Variants in NRXN3 observed in about 807,000 individuals in gnomAD.
NRXN3 encodes neurexin 3.
In NRXN3, 32 loss-of-function variants were observed where a neutral mutation model predicts 137.6. The ratio of observed to expected loss-of-function variants is 0.23; its 90% CI spans 0.18 to 0.31. The LOEUF is 0.31. NRXN3 is among the 10% of genes least tolerant of loss of function. The pLI, the probability that NRXN3 is intolerant of heterozygous loss-of-function variation, is 1.00. For missense variants in NRXN3, 1,574 were observed against 2,062.5 expected (o/e 0.76, Z 4.59); for synonymous variants, 798 against 784.5 (o/e 1.02, Z -0.29).
intron 15 of NRXN3, among the ~76,000 whole-genome samples, chr14:79,222,642 A>T (rs181610575): frequency 6.6e-6 from 1 of 152,266 alleles, no homozygotes; most frequent in Non-Finnish European, 1.5e-5. Flanking sequence ...CATTCCCACA[A>T]TCTATAGATG....
chr14:79,486,856 G>A (rs2096659835), intron 16 of NRXN3, among the ~76,000 whole-genome samples: 1 of 150,806 alleles, frequency 6.6e-6, no homozygotes, highest in Non-Finnish European at 1.5e-5. Flanking sequence ...GTGAAATATT[G>A]TTAGCCTAAG....
chr14:78,359,316 G>T (rs1414245959), intron 4 of NRXN3, among the ~76,000 whole-genome samples: 1 of 152,136 alleles, frequency 6.6e-6, no homozygotes, highest in Non-Finnish European at 1.5e-5. Context: ...CTGGGCAGTG[G>T]ACGTCTTAAA....
intron 15 of NRXN3, among the ~76,000 whole-genome samples, chr14:79,221,545 G>A (rs1236298330): frequency 1.3e-5 from 2 of 152,158 alleles, no homozygotes; most frequent in African/African-American, 4.8e-5. Flanking sequence ...CCACATAAAT[G>A]TCTTCTTTTG....
intron 1 of NRXN3, among the ~76,000 whole-genome samples, chr14:78,235,308 C>G (rs2066129960): frequency 6.6e-6 from 1 of 152,032 alleles, no homozygotes; most frequent in African/African-American, 2.4e-5. Flanking sequence ...TTGGCTCTCT[C>G]CATCTTCACT....
rs1382979147 is a variant in NRXN3 at position 79,845,616 on chromosome 14, C to T, written c.4094-15726C>T. Among the ~76,000 whole-genome samples, 5 of 113,960 alleles carry T rather than the reference C, an allele frequency of 4.4e-5. 1 individual carries two copies. Among genetic ancestry groups the T allele is most frequent in the African/African-American group, 1.4e-4 (4 of 27,766 alleles). 74.8% of individuals were successfully genotyped at this position (113,960 alleles called of 152,430 possible). On this transcript the variant is annotated intron_variant, in intron 20 of 20. Transcript: ENST00000335750. ...AGAGAGAGAGAGACAGAGAGAGAGA[C>T]GGAGACGGGGAGAGAGACGGAGACG...
intron 19 of NRXN3, among the ~76,000 whole-genome samples, chr14:79,743,962 T>G (rs1239788420): frequency 6.6e-6 from 1 of 152,216 alleles, no homozygotes; most frequent in Non-Finnish European, 1.5e-5. Context: ...CCAAATTAAA[T>G]TTAACCTATC....
intron 6 of NRXN3, among the ~76,000 whole-genome samples, chr14:78,686,191 T>C (rs1415768878): frequency 1.3e-5 from 2 of 152,228 alleles, no homozygotes; most frequent in East Asian, 3.8e-4. Context: ...AATACATGTT[T>C]GTTGAATGAA....
At chr14:78,416,260 C>A (rs2093131399) in intron 4 of NRXN3, among the ~76,000 whole-genome samples, 1 of 152,252 alleles carries the variant, frequency 6.6e-6, no homozygotes, top group Admixed American at 6.5e-5. Context: ...GCAGTGCAGA[C>A]ATTTACCATG....
intron 15 of NRXN3, among the ~76,000 whole-genome samples, chr14:79,039,762 C>G (rs1235343740): frequency 6.6e-6 from 1 of 152,092 alleles, no homozygotes; most frequent in Admixed American, 6.6e-5. Flanking sequence ...TCATACTTCA[C>G]TTTAATCTCA....
intron 10 of NRXN3, among the ~76,000 whole-genome samples, chr14:78,915,345 C>CAAAAAAAAAAAAAAAA (rs35908076): frequency 1.8e-4 from 2 of 11,190 alleles, no homozygotes; most frequent in African/African-American, 2.8e-4. Context: ...ACGTGTGAAG[C>CAAAAAAAAAAAAAAAA]AAAAAAAAAA....
chr14:78,228,157 CTTTTT>C (rs1156767557), intron 1 of NRXN3, among the ~76,000 whole-genome samples: 1 of 130,480 alleles, frequency 7.7e-6, no homozygotes, highest in Admixed American at 7.8e-5. Context: ...AATTTTCTTT[CTTTTT>C]TTTTTTTTTT....
intron 2 of NRXN3, among the ~76,000 whole-genome samples, chr14:78,262,676 A>G (rs761825764): frequency 3.3e-5 from 5 of 152,184 alleles, no homozygotes; most frequent in South Asian, 4.2e-4. Flanking sequence ...CATGAAGAGA[A>G]AGGGGTTGTT....
chr14:78,308,839 T>A (rs1298798228), intron 4 of NRXN3, among the ~76,000 whole-genome samples: 5 of 152,124 alleles, frequency 3.3e-5, no homozygotes, highest in Non-Finnish European at 7.4e-5. Flanking sequence ...CTTGAAATAT[T>A]TGAAATAAAT....
intron 10 of NRXN3, among the ~76,000 whole-genome samples, chr14:78,872,244 A>G (rs142958912): frequency 0.033 from 4,860 of 146,498 alleles, 123 homozygotes; most frequent in Non-Finnish European, 0.049. Context: ...GTATATACAT[A>G]TATTTATTAT....
At chr14:79,004,291 T>C (rs576684647) in intron 15 of NRXN3, among the ~76,000 whole-genome samples, 9 of 152,292 alleles carry the variant, frequency 5.9e-5, no homozygotes, top group Non-Finnish European at 1.2e-4. Flanking sequence ...TGTATCTCAC[T>C]TTATCATGCA....
At chr14:79,075,427 A>C (rs938355024) in intron 15 of NRXN3, among the ~76,000 whole-genome samples, 9 of 152,204 alleles carry the variant, frequency 5.9e-5, no homozygotes, top group Non-Finnish European at 1.5e-5. Flanking sequence ...CATAAATATT[A>C]GTTAGGAAAA....
chr14:79,704,261 T>C (rs2098767326), intron 19 of NRXN3, among the ~76,000 whole-genome samples: 1 of 152,182 alleles, frequency 6.6e-6, no homozygotes, highest in African/African-American at 2.4e-5. Flanking sequence ...CATGTTGTTA[T>C]CAATGGCACT....
At chr14:78,980,005 T>C (rs974732753) in intron 14 of NRXN3, among the ~76,000 whole-genome samples, 3 of 152,222 alleles carry the variant, frequency 2.0e-5, no homozygotes, top group African/African-American at 7.2e-5. Context: ...TCAGCAACTC[T>C]TATAATGCTC....
chr14:78,519,486 C>T (rs2096256849), intron 4 of NRXN3, among the ~76,000 whole-genome samples: 1 of 152,088 alleles, frequency 6.6e-6, no homozygotes, highest in Non-Finnish European at 1.5e-5. Flanking sequence ...TAACTTAATA[C>T]CATTTATTCA....
Sources: gnomAD v4.1 joint callset for allele counts (sites outside exome capture counted in the v4.1 genomes callset) on GRCh38, gnomAD v4.1.1 for gene constraint, MANE v1.5 for transcripts, NCBI Gene and HGNC (gene_info 2026-07-23, HGNC 2026-07-21) for gene names.